Variants in MYO7A observed in about 807,000 individuals in gnomAD.
MYO7A encodes the protein unconventional myosin-VIIa.
MYO7A carries 210 observed loss-of-function variants against 263.8 expected under a neutral mutation model. The observed-to-expected ratio is 0.80, with a 90% CI of 0.71 to 0.89. MYO7A has a LOEUF of 0.89. MYO7A is among the 40% of genes least tolerant of loss of function. MYO7A has a pLI of 0.00. For synonymous variants in MYO7A, 1,239 were observed against 1,197.3 expected (o/e 1.03, Z -0.72); for missense variants, 2,820 against 2,968.3 (o/e 0.95, Z 1.16).
At position 77,211,819 on chromosome 11, in the gene MYO7A, A is replaced by C. The variant is rs1555109612; in HGVS notation, c.6238-2A>C. ...CCAGCCCTGACCGCCCTGTCCCCAT[A>C]GTCCATCGTCGCCTACTTCAACAAG... On this transcript the variant is annotated splice_acceptor_variant, in intron 45 of 48. Transcript: ENST00000409709. LOFTEE classifies it high-confidence loss of function. The C allele has an allele frequency of 6.2e-7, 1 of 1,612,972 alleles. No homozygotes were observed. The highest frequency in any genetic ancestry group is 8.5e-7 in the Non-Finnish European group (1 of 1,179,034).
rs548939171 is a variant in MYO7A, at chr11:77,205,528, C to A, written c.5547C>A (p.Ile1849=). 7.5e-6 allele frequency: 12 copies of A among 1,607,356 alleles called. No individual in the cohort carries two copies. In the Admixed American group the frequency reaches 2.0e-4, roughly 27 times the overall value. ...LCTGLFPPSN[I]LLPHVQRFLQ... ...CGGGCCTTTTCCCACCCAGCAACAT[C>A]CTCCTGCCCCACGTGCAGCGCTTCC... The change falls in exon 40 of 49, where the codon ATC becomes ATA. Residue 1849 remains isoleucine, a synonymous_variant. Transcript: ENST00000409709.
intron 31 of MYO7A, chr11:77,194,001 C>T (rs1340779283): frequency 6.0e-6 from 3 of 502,338 alleles, no homozygotes; most frequent in East Asian, 1.1e-4. Flanking sequence ...TCCTCTTCTG[C>T]TGTTTGTCAG....
chr11:77,203,310 C>G (rs1373519960), intron 38 of MYO7A, 93 bp downstream of exon 38: 17 of 1,408,094 alleles, frequency 1.2e-5, no homozygotes, highest in Middle Eastern at 2.5e-4. Context: ...CTGCTGCGAC[C>G]CGGGCACACA....
Position 77,128,253 on chromosome 11 carries a change from G to C in MYO7A, c.-283G>C, listed in dbSNP as rs1434385645. 1 of 152,526 alleles carries C rather than the reference G, an allele frequency of 6.6e-6. No homozygotes were observed. Among genetic ancestry groups the C allele is most frequent in the Non-Finnish European group, 1.5e-5 (1 of 68,242 alleles). The allele number at this position is 152,526 out of a possible 1,614,324, so 9.4% of individuals were successfully genotyped here. ...TGAGGAGGGGAGGGCAGCAGTGCTGGCTGGACAGCTGCTCTGGGCAGGAGA... is the reference window on the plus strand; with the variant it reads ...TGAGGAGGGGAGGGCAGCAGTGCTGCCTGGACAGCTGCTCTGGGCAGGAGA... On this transcript the variant is annotated 5_prime_UTR_variant, in exon 1 of 49. Transcript: ENST00000409709.
At chr11:77,148,017 C>T (rs1346485804) in intron 4 of MYO7A, 67 bp downstream of exon 4, 3 of 1,383,150 alleles carry the variant, frequency 2.2e-6, no homozygotes, top group Non-Finnish European at 2.9e-6. Context: ...CCTCGCCCCA[C>T]CCCGCCCGAC....
intron 18 of MYO7A, among the ~76,000 whole-genome samples, chr11:77,176,722 C>T (rs542641390): frequency 6.6e-6 from 1 of 152,310 alleles, no homozygotes; most frequent in East Asian, 1.9e-4. Context: ...CTGAGCATCT[C>T]CTCTGTCAGG....
intron 38 of MYO7A, among the ~76,000 whole-genome samples, 184 bp from the exon 39 acceptor site, chr11:77,203,892 T>C (rs577441669): frequency 9.0e-4 from 137 of 152,140 alleles, no homozygotes; most frequent in South Asian, 2.9e-3. Context: ...GCTTGGGATG[T>C]GGGGCTGGTG....
intron 4 of MYO7A, among the ~76,000 whole-genome samples, chr11:77,153,779 G>A (rs1555059073): frequency 6.6e-6 from 1 of 151,960 alleles, no homozygotes; most frequent in Admixed American, 6.6e-5. Flanking sequence ...ACCAGCGGCT[G>A]GGCCCCCTGG....
At chr11:77,161,217 C>T (rs1952967047) in intron 12 of MYO7A, 102 bp downstream of exon 12, 3 of 1,403,726 alleles carry the variant, frequency 2.1e-6, no homozygotes, top group Non-Finnish European at 9.9e-7. Flanking sequence ...GCTCCTGGCA[C>T]ACTCTGCCAG....
At chr11:77,179,228 G>GGGT in intron 20 of MYO7A, 99 bp downstream of exon 20, 3 of 1,003,908 alleles carry the variant, frequency 3.0e-6, no homozygotes, top group Non-Finnish European at 4.4e-6. Context: ...AGCACAGCCT[G>GGGT]GCCTCGTTGG....
intron 31 of MYO7A, among the ~76,000 whole-genome samples, chr11:77,193,712 G>A (rs1217421046): frequency 6.6e-6 from 1 of 152,160 alleles, no homozygotes; most frequent in Non-Finnish European, 1.5e-5. Context: ...GCCCCCAAGA[G>A]CCTTTCTCTA....
At chr11:77,170,919 T>G (rs1448398004) in intron 15 of MYO7A, among the ~76,000 whole-genome samples, 3 of 152,174 alleles carry the variant, frequency 2.0e-5, no homozygotes, top group African/African-American at 7.2e-5. Flanking sequence ...TGAGGACAGT[T>G]GCTAGATGTT....
At chr11:77,131,540 C>T (rs1006604314) in intron 2 of MYO7A, among the ~76,000 whole-genome samples, 9 of 152,236 alleles carry the variant, frequency 5.9e-5, no homozygotes, top group South Asian at 2.1e-4. Flanking sequence ...CCTGTTCAAA[C>T]GCCCATTAGA....
At chr11:77,170,067 C>T (rs549188264) in intron 15 of MYO7A, among the ~76,000 whole-genome samples, 9 of 152,190 alleles carry the variant, frequency 5.9e-5, no homozygotes, top group Admixed American at 3.9e-4. Context: ...TGAGACCTTG[C>T]TTCAAAAATA....
At chr11:77,187,622 A>T (rs1955739595) in intron 27 of MYO7A, among the ~76,000 whole-genome samples, 1 of 152,154 alleles carries the variant, frequency 6.6e-6, no homozygotes, top group African/African-American at 2.4e-5. Context: ...GCCTTTACCC[A>T]GGTCCCTGGG....
In MYO7A at chr11:77,138,475, A is replaced by C. The variant is rs552511515; in HGVS notation, c.19-4234A>C. On this transcript the variant is annotated intron_variant, in intron 2 of 48. Transcript: ENST00000409709. This position sits in a 1 kb window ranked among gnomAD's most constrained non-coding sequence, Gnocchi z 4.9. Reference sequence around the variant, plus strand: ...GGGAGGGCGCCTCGCCCCGGGCCTCAGTTTCCCCGCCTGTTAGAAGCTGGG... The same window carrying C: ...GGGAGGGCGCCTCGCCCCGGGCCTCCGTTTCCCCGCCTGTTAGAAGCTGGG... Among the ~76,000 whole-genome samples the C allele has an allele frequency of 6.6e-6, 1 of 152,316 alleles. No homozygotes were observed. The highest frequency in any genetic ancestry group is 2.4e-5 in the African/African-American group (1 of 41,594).
At position 77,213,378 on chromosome 11, in the gene MYO7A, T is replaced by C. The variant is rs180779942; in HGVS notation, c.6438+343T>C. Among the ~76,000 whole-genome samples, 255 of 152,366 alleles carry C rather than the reference T, an allele frequency of 1.7e-3. 1 individual carries two copies. Among genetic ancestry groups the C allele is most frequent in the African/African-American group, 5.9e-3 (247 of 41,584 alleles). ...TGTTTCTGGGCCAGAGCAGCCCAGCTGCACACCCAGAGGGTCCGACTGGAC... is the reference window on the plus strand; with the variant it reads ...TGTTTCTGGGCCAGAGCAGCCCAGCCGCACACCCAGAGGGTCCGACTGGAC... On this transcript the variant is annotated intron_variant, in intron 47 of 48. Transcript: ENST00000409709.
intron 41 of MYO7A, 28 bp from the exon 42 acceptor site, chr11:77,207,261 G>A: frequency 6.5e-7 from 1 of 1,542,364 alleles, no homozygotes; most frequent in African/African-American, 1.4e-5. Flanking sequence ...AGGCCCTGCA[G>A]GAGCCCAGTG....
Position 77,172,746 on chromosome 11 carries a change from A to G in MYO7A, c.1798-2A>G. The G allele has an allele frequency of 6.4e-7, 1 of 1,555,114 alleles. No individual in the cohort carries two copies. Among genetic ancestry groups the G allele is most frequent in the Non-Finnish European group, 8.7e-7 (1 of 1,150,384 alleles). On this transcript the variant is annotated splice_acceptor_variant, in intron 15 of 48. Transcript: ENST00000409709. LOFTEE classifies it high-confidence loss of function. ...TCCCATCGCTGCCGTCCGTCCCCCCAGGGCGCCGAGACCAGGAAGCGCTCG... is the reference window on the plus strand; with the variant it reads ...TCCCATCGCTGCCGTCCGTCCCCCCGGGGCGCCGAGACCAGGAAGCGCTCG...
Sources: gnomAD v4.1 joint callset for allele counts (sites outside exome capture counted in the v4.1 genomes callset) on GRCh38, gnomAD v4.1.1 for gene constraint, Gnocchi (gnomAD v3.1) non-coding constraint, MANE v1.5 for transcripts, NCBI Gene and HGNC (gene_info 2026-07-23, HGNC 2026-07-21) for gene names.